The following PCDHGB6 variants were observed in gnomAD, a reference collection of about 807,000 sequenced individuals.
The protein encoded by PCDHGB6 is protocadherin gamma subfamily B, 6, also known as protocadherin gamma-B6.
In PCDHGB6, 51 loss-of-function variants were observed where a neutral mutation model predicts 59.1. The ratio of observed to expected loss-of-function variants is 0.86; its 90% CI spans 0.69 to 1.09. The LOEUF (loss-of-function observed/expected upper bound fraction) is 1.09. Among genes scored for constraint, PCDHGB6 ranks in the 50% least tolerant of loss-of-function variants. PCDHGB6 has a pLI of 0.00. For missense variants in PCDHGB6, 1,148 were observed against 1,205.1 expected, an observed-to-expected ratio of 0.95 and a Z score of 0.70; for synonymous variants, 466 against 495.1, an observed-to-expected ratio of 0.94 and a Z score of 0.78.
rs982627903 is a variant in PCDHGB6, at chr5:141,421,421, T to C, written c.2418+10801T>C. ...CCCCGGGAGCTGGCGAAGCGCGGAGTCCGCATCGTCTCCAGAGGGAAGACA... is the reference window on the plus strand; with the variant it reads ...CCCCGGGAGCTGGCGAAGCGCGGAGCCCGCATCGTCTCCAGAGGGAAGACA... On this transcript the variant is annotated intron_variant, in intron 1 of 3. Coordinates refer to ENST00000520790, the MANE Select transcript of PCDHGB6 (RefSeq NM_018926.3). The C allele has an allele frequency of 6.2e-7, 1 of 1,613,994 alleles. No individual in the cohort carries two copies. The highest frequency in any genetic ancestry group is 1.3e-5 in the African/African-American group (1 of 75,052).
chr5:141,429,851 TC>T (rs1447325775), intron 1 of PCDHGB6, among the ~76,000 whole-genome samples: 2 of 152,224 alleles, frequency 1.3e-5, no homozygotes, highest in African/African-American at 4.8e-5. Context: ...TCTGTAACAT[TC>T]TTTGGACTAC....
chr5:141,500,309 C>T (rs777434466), intron 2 of PCDHGB6, among the ~76,000 whole-genome samples: 2 of 151,602 alleles, frequency 1.3e-5, no homozygotes, highest in Non-Finnish European at 2.9e-5. Flanking sequence ...CCCAGGTTCA[C>T]GCCATGCTCC....
intron 1 of PCDHGB6, chr5:141,415,740 GTTTTTT>G (rs57426385): frequency 0.053 from 32,266 of 613,620 alleles, 66 homozygotes; most frequent in South Asian, 0.061. Flanking sequence ...GTTTATTAAG[GTTTTTT>G]TTTTTTTTTT....
intron 1 of PCDHGB6, among the ~76,000 whole-genome samples, chr5:141,459,613 C>T (rs1040874685): frequency 2.6e-5 from 4 of 152,188 alleles, no homozygotes; most frequent in African/African-American, 9.7e-5. Context: ...ATATGCTTAA[C>T]TTTATAAGAA....
chr5:141,497,031 A>G (rs898409925), intron 2 of PCDHGB6, among the ~76,000 whole-genome samples: 14 of 152,184 alleles, frequency 9.2e-5, no homozygotes, highest in African/African-American at 3.4e-4. Context: ...TCGATTAAAA[A>G]TACAAAAATT....
intron 1 of PCDHGB6, among the ~76,000 whole-genome samples, chr5:141,492,685 C>T (rs919981996): frequency 1.3e-5 from 2 of 152,242 alleles, no homozygotes; most frequent in African/African-American, 2.4e-5. Context: ...CAAGGGTCGG[C>T]GACCCCTCAA....
rs759437302 is a variant in PCDHGB6, at chr5:141,476,861, T to C, written c.2419-17946T>C. On this transcript the variant is annotated intron_variant, in intron 1 of 3. Transcript: ENST00000520790. The surrounding 1 kb of genome is among the most constrained non-coding windows in gnomAD (Gnocchi z 7.6). Reference sequence around the variant, plus strand: ...TGCGCCTGTCTTCAACCAGTCCTTGTACCGGGCGCGCGTCCTGGAGGATGC... The same window carrying C: ...TGCGCCTGTCTTCAACCAGTCCTTGCACCGGGCGCGCGTCCTGGAGGATGC... 6.2e-7 allele frequency: 1 copy of C among 1,613,864 alleles called. No individual in the cohort carries two copies. The highest frequency in any genetic ancestry group is 1.7e-5 in the Admixed American group (1 of 60,034).
rs1259562533 is a variant in PCDHGB6 at position 141,482,788 on chromosome 5, G to T, written c.2419-12019G>T. 2.6e-5 allele frequency among the ~76,000 whole-genome samples: 4 copies of T among 152,184 alleles called. 1 individual carries two copies. Among genetic ancestry groups the T allele is most frequent in the Admixed American group, 2.6e-4 (4 of 15,278 alleles). ...TATCACTGAACCTTAAACTGTGTGTGTGGCCGGGTACGGTGGCTCATGCCT... is the reference window on the plus strand; with the variant it reads ...TATCACTGAACCTTAAACTGTGTGTTTGGCCGGGTACGGTGGCTCATGCCT... On this transcript the variant is annotated intron_variant, in intron 1 of 3. Transcript: ENST00000520790.
chr5:141,446,088 T>C (rs2098487177), intron 1 of PCDHGB6, among the ~76,000 whole-genome samples: 1 of 152,100 alleles, frequency 6.6e-6, no homozygotes, highest in African/African-American at 2.4e-5. Flanking sequence ...TAGAAATAAA[T>C]GGATGAATTA....
At chr5:141,423,644 A>G in intron 1 of PCDHGB6, 1 of 1,592,866 alleles carries the variant, frequency 6.3e-7, no homozygotes, top group South Asian at 1.1e-5. Context: ...GGCAAATGTG[A>G]CCCGACAAGT....
At chr5:141,478,137 G>C (rs762316494) in intron 1 of PCDHGB6, 1 of 1,613,872 alleles carries the variant, frequency 6.2e-7, no homozygotes, top group South Asian at 1.1e-5. Context: ...CCTGAAGCCC[G>C]AGCCGAGTTC....
At chr5:141,474,452 G>A (rs1341193950) in intron 1 of PCDHGB6, among the ~76,000 whole-genome samples, 1 of 152,158 alleles carries the variant, frequency 6.6e-6, no homozygotes, top group Non-Finnish European at 1.5e-5. Flanking sequence ...CAAGTGATTG[G>A]GCTATACTCT....
At chr5:141,478,161 C>T (rs201111122) in intron 1 of PCDHGB6, 20 of 1,613,852 alleles carry the variant, frequency 1.2e-5, no homozygotes, top group Admixed American at 3.3e-5. Context: ...TCTGGCTCTG[C>T]CCCCCGGGAG....
intron 2 of PCDHGB6, among the ~76,000 whole-genome samples, chr5:141,500,410 C>G (rs2099800033): frequency 6.6e-6 from 1 of 151,774 alleles, no homozygotes; most frequent in Non-Finnish European, 1.5e-5. Flanking sequence ...GGGGTTTCAC[C>G]GTGTTAGCCA....
rs1263406836 is a variant in PCDHGB6 at position 141,491,918 on chromosome 5, G to A, written c.2419-2889G>A. On this transcript the variant is annotated intron_variant, in intron 1 of 3. Coordinates refer to ENST00000520790, the MANE Select transcript of PCDHGB6 (RefSeq NM_018926.3). The surrounding 1 kb of genome is among the most constrained non-coding windows in gnomAD (Gnocchi z 6.9). ...GCACCGGGGGTGGTGGCGACTGTGGGCGAGGGGAGGTGGGACCGACCCCCA... is the reference window on the plus strand; with the variant it reads ...GCACCGGGGGTGGTGGCGACTGTGGACGAGGGGAGGTGGGACCGACCCCCA... 2 of 1,371,698 alleles carry A rather than the reference G, an allele frequency of 1.5e-6. No homozygotes were observed. Among genetic ancestry groups the A allele is most frequent in the Non-Finnish European group, 1.9e-6 (2 of 1,028,962 alleles). 85.0% of individuals were successfully genotyped at this position (1,371,698 alleles called of 1,614,324 possible).
In PCDHGB6 at chr5:141,415,072, G is replaced by A. The variant is rs558067255; in HGVS notation, c.2418+4452G>A. On this transcript the variant is annotated intron_variant, in intron 1 of 3. Coordinates refer to ENST00000520790, the MANE Select transcript of PCDHGB6 (RefSeq NM_018926.3). ...GGAGCACACGGGCGAGGTGCGCACG[G>A]CGCGAGCCCTGCTGGACAGAGACGC... 6.2e-5 allele frequency: 100 copies of A among 1,613,418 alleles called. No individual in the cohort carries two copies. The East Asian group carries it at 2.0e-3, about 32-fold the overall frequency.
chr5:141,433,361 A>ATCTATCTATCTC, intron 1 of PCDHGB6: 1 of 297,578 alleles, frequency 3.4e-6, no homozygotes, highest in Non-Finnish European at 6.3e-6. Context: ...CTGTCTGCCT[A>ATCTATCTATCTC]TCTATCTATC....
rs776176122 is a variant in PCDHGB6, at chr5:141,408,982, T to C, written c.780T>C (p.Pro260=). 124 of 1,613,830 alleles carry C rather than the reference T, an allele frequency of 7.7e-5. 1 individual carries two copies. Among genetic ancestry groups the C allele is most frequent in the Admixed American group, 3.7e-4 (22 of 59,994 alleles). ...GTGAAAATCTGCCCCCTGGGTCCCC[T>C]GTGTTGCAAGTGACAGCCACTGACC... ...SLSENLPPGS[P]VLQVTATDQD... is the part of the protein sequence containing the mutation. The change falls in exon 1 of 4, where the codon CCT becomes CCC. Residue 260 remains proline (P), a synonymous_variant. Transcript: ENST00000520790.
rs116716465 is a variant in PCDHGB6, at chr5:141,484,286, C to T, written c.2419-10521C>T. ...GATTCTTTACTGTTTTGAAACATCTCCCTCTCCTGGCTTCCTCCACCCCGC... is the reference window on the plus strand; with the variant it reads ...GATTCTTTACTGTTTTGAAACATCTTCCTCTCCTGGCTTCCTCCACCCCGC... On this transcript the variant is annotated intron_variant, in intron 1 of 3. Coordinates refer to ENST00000520790, the MANE Select transcript of PCDHGB6 (RefSeq NM_018926.3). 8.3e-3 allele frequency among the ~76,000 whole-genome samples: 1,266 copies of T among 152,294 alleles called. 10 individuals carry two copies. The highest frequency in any genetic ancestry group is 0.014 in the Non-Finnish European group (936 of 68,022).
Sources: allele counts gnomAD v4.1 joint callset (sites outside exome capture counted in the v4.1 genomes callset), GRCh38; gene constraint gnomAD v4.1.1; non-coding constraint Gnocchi (gnomAD v3.1); transcripts MANE v1.5; gene names NCBI Gene and HGNC (gene_info 2026-07-23, HGNC 2026-07-21).